TECPR2: variants seen among roughly 807,000 people sequenced by gnomAD.
TECPR2 encodes tectonin beta-propeller repeat-containing protein 2.
A neutral mutation model predicts 138.1 loss-of-function variants in TECPR2; 65 were observed. The observed-to-expected ratio is 0.47, with a 90% CI of 0.39 to 0.58. TECPR2 has a LOEUF of 0.58. Ranked by LOEUF, TECPR2 falls within the 20% of genes least tolerant of loss-of-function variation. The pLI is 0.00. For missense variants in TECPR2, 1,553 were observed against 1,824.5 expected, an observed-to-expected ratio of 0.85 and a Z score of 2.71; for synonymous variants, 746 against 749.8, an observed-to-expected ratio of 0.99 and a Z score of 0.08.
At chr14:102,395,685 C>T (rs1045832578) in intron 2 of TECPR2, among the ~76,000 whole-genome samples, 1 of 152,020 alleles carries the variant, frequency 6.6e-6, no homozygotes. Flanking sequence ...GTAATCCCAT[C>T]GACTCAGGAG....
chr14:102,499,002 A>C lies in TECPR2; in HGVS notation c.*745A>C. 1 of 697,074 alleles carries C rather than the reference A, an allele frequency of 1.4e-6. No homozygotes were observed. The highest frequency in any genetic ancestry group is 1.5e-5 in the South Asian group (1 of 66,690). The allele number at this position is 697,074 out of a possible 1,614,324, so 43.2% of individuals were successfully genotyped here. A position where few individuals can be genotyped will look rare whatever the true frequency, so the allele number is the denominator to read the frequency against. On this transcript the variant is annotated 3_prime_UTR_variant, in exon 20 of 20. Coordinates refer to ENST00000359520, the MANE Select transcript of TECPR2 (RefSeq NM_014844.5). The stretch of plus-strand genomic sequence containing the variant: ...CACACCCCACACCGCACTGCACCGC[A>C]CCGCACCGCACCGTACCTCGCCACA...
chr14:102,445,693 C>T, intron 12 of TECPR2, 113 bp from the exon 13 acceptor site: 1 of 1,366,230 alleles, frequency 7.3e-7, no homozygotes, highest in Non-Finnish European at 9.9e-7. Context: ...GCTCCAGGGC[C>T]ACGTCTCTTC....
intron 17 of TECPR2, among the ~76,000 whole-genome samples, chr14:102,467,429 A>G (rs988805995): frequency 2.0e-5 from 3 of 151,320 alleles, no homozygotes; most frequent in African/African-American, 4.9e-5. Context: ...GGTTCAAGCA[A>G]TTATCCTGCC....
rs745721100 is a variant in TECPR2, at chr14:102,443,445, G to A, written c.2753-202G>A. On this transcript the variant is annotated intron_variant, in intron 11 of 19. Coordinates refer to ENST00000359520, the MANE Select transcript of TECPR2 (RefSeq NM_014844.5). The surrounding 1 kb of genome is among the most constrained non-coding windows in gnomAD (Gnocchi z 4.9). ...GTGGGAGGATCTCTTGAGCCCAGGA[G>A]TTTGAGATCAGCCTGGGCAACGTAG... 9.9e-5 allele frequency among the ~76,000 whole-genome samples: 15 copies of A among 152,042 alleles called. No homozygotes were observed. The highest frequency in any genetic ancestry group is 1.9e-4 in the Non-Finnish European group (13 of 68,006).
At chr14:102,386,047 A>G (rs1887991523) in intron 2 of TECPR2, among the ~76,000 whole-genome samples, 1 of 152,182 alleles carries the variant, frequency 6.6e-6, no homozygotes, top group Middle Eastern at 3.2e-3. Context: ...AACATTTGGA[A>G]AAAAAATGTA....
chr14:102,435,215 T>A lies in TECPR2; in HGVS notation c.2394+4T>A. On this transcript the variant is annotated splice_donor_region_variant and intron_variant, in intron 9 of 19. Coordinates refer to ENST00000359520, the MANE Select transcript of TECPR2 (RefSeq NM_014844.5). ...CGGGCTGCTCAAGCCAGATCAGGTATGTGGGTTCGGGTGGTGGGAAAAGTA... is the reference window on the plus strand; with the variant it reads ...CGGGCTGCTCAAGCCAGATCAGGTAAGTGGGTTCGGGTGGTGGGAAAAGTA... 1 of 1,593,704 alleles carries A rather than the reference T, an allele frequency of 6.3e-7. No homozygotes were observed. Among genetic ancestry groups the A allele is most frequent in the Admixed American group, 1.7e-5 (1 of 59,170 alleles).
At chr14:102,477,824 AC>A (rs1394532938) in intron 17 of TECPR2, among the ~76,000 whole-genome samples, 4 of 132,980 alleles carry the variant, frequency 3.0e-5, no homozygotes, top group African/African-American at 1.1e-4. Context: ...AGTCCCAGCT[AC>A]TCAGGAGGCC....
At position 102,480,152 on chromosome 14, in the gene TECPR2, G is replaced by A. The variant is rs189178796; in HGVS notation, c.3789+14863G>A. 1.4e-4 allele frequency among the ~76,000 whole-genome samples: 22 copies of A among 151,796 alleles called. No individual in the cohort carries two copies. The East Asian group carries it at 3.9e-3, about 27-fold the overall frequency. ...AGCTTATTAAAAATGTCCAGGCCTCGGCCCTCCCTGGAGATATGAATTCAG... is the reference window on the plus strand; with the variant it reads ...AGCTTATTAAAAATGTCCAGGCCTCAGCCCTCCCTGGAGATATGAATTCAG... On this transcript the variant is annotated intron_variant, in intron 17 of 19. Transcript: ENST00000359520.
chr14:102,432,119 A>G lies in TECPR2; in HGVS notation c.1408A>G (p.Lys470Glu). The G allele has an allele frequency of 6.3e-7, 1 of 1,579,128 alleles. No homozygotes were observed. The part of the protein sequence containing the change: ...PIKVKRKKKK[K>E]KTEGGSRSTC... ...CAAAGTGAAAAGGAAGAAGAAGAAG[A>G]AGAAGACAGGTACCCTCTGTAGCTG... is the stretch of plus-strand genomic sequence containing the variant. Residue 470 changes from lysine to glutamate, a missense_variant, in exon 8 of 20, where the codon AAG (lysine) becomes GAG (glutamate). Transcript: ENST00000359520.
At chr14:102,461,930 G>T (rs1890420748) in intron 16 of TECPR2, among the ~76,000 whole-genome samples, 1 of 152,192 alleles carries the variant, frequency 6.6e-6, no homozygotes, top group Admixed American at 6.5e-5. Flanking sequence ...CATCCAGGCG[G>T]CCTGGGTGAC....
chr14:102,411,699 CAAAAAAAAAAAAAAAAAAAA>C (rs1173849759), intron 4 of TECPR2, among the ~76,000 whole-genome samples: 3 of 46,874 alleles, frequency 6.4e-5, no homozygotes, highest in East Asian at 5.2e-4. Flanking sequence ...CCATGTTGCT[CAAAAAAAAAAAAAAAAAAAA>C]AAAAAAAAAA....
intron 17 of TECPR2, chr14:102,465,739 C>CCACT: frequency 1.3e-6 from 1 of 750,250 alleles, no homozygotes; most frequent in Non-Finnish European, 1.6e-6. Context: ...CCTGTCCAGC[C>CCACT]CACTGCTGGC....
chr14:102,417,870 G>T (rs1170256947), intron 5 of TECPR2, among the ~76,000 whole-genome samples: 1 of 150,772 alleles, frequency 6.6e-6, no homozygotes, highest in African/African-American at 2.4e-5. Flanking sequence ...CAGGGGAGCC[G>T]TGGGGAGGCT....
chr14:102,435,839 A>G (rs1242442563), intron 9 of TECPR2, among the ~76,000 whole-genome samples: 1 of 152,188 alleles, frequency 6.6e-6, no homozygotes, highest in Non-Finnish European at 1.5e-5. Flanking sequence ...ATTAAAAGTG[A>G]TTTTTTTAAA....
chr14:102,363,415 C>T (rs1337397151), intron 1 of TECPR2, among the ~76,000 whole-genome samples: 3 of 152,222 alleles, frequency 2.0e-5, no homozygotes, highest in Admixed American at 6.5e-5. Context: ...GCCCTCGGCC[C>T]CCGGCCCCAC....
At chr14:102,426,540 G>C (rs1032787415) in intron 6 of TECPR2, among the ~76,000 whole-genome samples, 1 of 152,174 alleles carries the variant, frequency 6.6e-6, no homozygotes, top group Admixed American at 6.5e-5. Flanking sequence ...TATAAGCAGA[G>C]CCTCACTGTA....
chr14:102,481,806 C>T (rs143749207), intron 17 of TECPR2, among the ~76,000 whole-genome samples: 13 of 152,166 alleles, frequency 8.5e-5, no homozygotes, highest in Non-Finnish European at 1.9e-4. Flanking sequence ...TTCTGGTTGA[C>T]TCTCTGCGGG....
chr14:102,391,724 G>T (rs946722774), intron 2 of TECPR2, among the ~76,000 whole-genome samples: 3 of 152,112 alleles, frequency 2.0e-5, no homozygotes, highest in African/African-American at 4.8e-5. Context: ...TGGCAGAGTT[G>T]ATCACATCCT....
At chr14:102,399,713 C>A (rs968354363) in intron 2 of TECPR2, among the ~76,000 whole-genome samples, 2 of 151,914 alleles carry the variant, frequency 1.3e-5, no homozygotes, top group Non-Finnish European at 2.9e-5. Context: ...CCTGTAGTCC[C>A]CAGCTACTCA....
Sources: allele counts gnomAD v4.1 joint callset (sites outside exome capture counted in the v4.1 genomes callset), GRCh38; gene constraint gnomAD v4.1.1; non-coding constraint Gnocchi (gnomAD v3.1); transcripts MANE v1.5; gene names NCBI Gene and HGNC (gene_info 2026-07-23, HGNC 2026-07-21).